The following PCDHA2 variants were observed in gnomAD, a reference collection of about 807,000 sequenced individuals.
PCDHA2 encodes protocadherin alpha 2.
In PCDHA2, 58 loss-of-function variants were observed where a neutral mutation model predicts 66.0. That is an observed-to-expected ratio of 0.88 (90% confidence interval 0.71 to 1.09). PCDHA2 has a LOEUF of 1.09. PCDHA2 is among the 50% of genes least tolerant of loss of function. PCDHA2 has a pLI of 0.00. For missense variants in PCDHA2, 1,267 were observed against 1,242.3 expected (o/e 1.02, Z -0.30); for synonymous variants, 634 against 554.0 (o/e 1.14, Z -2.03).
chr5:140,798,762 T>C (rs7705377), intron 1 of PCDHA2, among the ~76,000 whole-genome samples: 8,148 of 152,252 alleles, frequency 0.054, 709 homozygotes, highest in African/African-American at 0.19. Context: ...ATTATAACAC[T>C]GAACTCGACA....
chr5:140,960,519 G>C (rs188949970), intron 1 of PCDHA2, among the ~76,000 whole-genome samples: 19 of 152,198 alleles, frequency 1.2e-4, no homozygotes, highest in Admixed American at 1.2e-3. Context: ...AACATAATGG[G>C]TATAGGAAAG....
chr5:140,835,158 A>G, intron 1 of PCDHA2: 1 of 1,455,544 alleles, frequency 6.9e-7, no homozygotes, highest in Non-Finnish European at 9.3e-7. Context: ...TTCTATCGGA[A>G]CGCTGGTGAT....
At chr5:140,808,015 C>A in intron 1 of PCDHA2, 1 of 1,613,530 alleles carries the variant, frequency 6.2e-7, no homozygotes, top group Middle Eastern at 1.7e-4. Flanking sequence ...TGAATGGGGA[C>A]ATTGTTTATT....
intron 1 of PCDHA2, chr5:140,854,326 T>G (rs1243654252): frequency 4.3e-6 from 1 of 230,654 alleles, no homozygotes; most frequent in East Asian, 1.8e-4. Context: ...AATGGCAAAC[T>G]TATTTTACGC....
At chr5:140,829,504 C>T in intron 1 of PCDHA2, 1 of 1,613,582 alleles carries the variant, frequency 6.2e-7, no homozygotes, top group South Asian at 1.1e-5. Context: ...ACCCGCCGGG[C>T]TGCCACATCT....
chr5:140,802,011 G>A (rs952664867), intron 1 of PCDHA2: 4 of 1,614,198 alleles, frequency 2.5e-6, no homozygotes, highest in Non-Finnish European at 3.4e-6. Flanking sequence ...TTTGGATGAA[G>A]GAGTAAATAA....
rs1554169291 is a variant in PCDHA2 at position 140,877,075 on chromosome 5, G to A, written c.2388+79723G>A. On this transcript the variant is annotated intron_variant, in intron 1 of 3. Transcript: ENST00000526136. ...GGAGCTGGAGCTGCTGCAGTTCCAGGTGAGCGCGCGCGACGCCGGCGTGCC... is the reference window on the plus strand; with the variant it reads ...GGAGCTGGAGCTGCTGCAGTTCCAGATGAGCGCGCGCGACGCCGGCGTGCC... 6.2e-7 allele frequency: 1 copy of A among 1,612,986 alleles called. No individual in the cohort carries two copies. The highest frequency in any genetic ancestry group is 1.1e-5 in the South Asian group (1 of 91,036).
At chr5:140,961,743 A>G (rs1585893660) in intron 1 of PCDHA2, among the ~76,000 whole-genome samples, 1 of 152,170 alleles carries the variant, frequency 6.6e-6, no homozygotes, top group East Asian at 1.9e-4. Flanking sequence ...CTTTAGTAAT[A>G]TTACAGTTTT....
chr5:140,883,294 T>A (rs782475623), intron 1 of PCDHA2: 6 of 1,613,956 alleles, frequency 3.7e-6, no homozygotes, highest in Non-Finnish European at 4.2e-6. Context: ...AAGTACTAGA[T>A]GTAAATGATA....
intron 1 of PCDHA2, chr5:140,828,554 G>A: frequency 6.2e-7 from 1 of 1,614,212 alleles, no homozygotes; most frequent in South Asian, 1.1e-5. Flanking sequence ...GTTTCCACTG[G>A]AGGGCGCGTC....
chr5:140,848,969 C>G (rs2150427245), intron 1 of PCDHA2: 31 of 1,604,278 alleles, frequency 1.9e-5, no homozygotes, highest in Non-Finnish European at 2.6e-5. Context: ...AGGGCGCGTC[C>G]GATGCAGATA....
intron 3 of PCDHA2, among the ~76,000 whole-genome samples, chr5:140,996,953 TCCCTCAATC>T (rs1554255576): frequency 6.6e-6 from 1 of 152,202 alleles, no homozygotes; most frequent in Non-Finnish European, 1.5e-5. Flanking sequence ...AATATTTATT[TCCCTCAATC>T]CCACTCCCCT....
chr5:140,834,445 T>C (rs1773005004), intron 1 of PCDHA2: 2 of 1,613,974 alleles, frequency 1.2e-6, no homozygotes, highest in African/African-American at 1.3e-5. Context: ...ATTATAATTC[T>C]AGCAGCTTGG....
intron 1 of PCDHA2, chr5:140,968,079 C>T (rs782150880): frequency 5.0e-6 from 8 of 1,614,142 alleles, no homozygotes; most frequent in Admixed American, 3.3e-5. Flanking sequence ...TACAACATCA[C>T]GGTGACAGCC....
intron 3 of PCDHA2, among the ~76,000 whole-genome samples, chr5:140,992,037 G>A (rs2153898781): frequency 6.6e-6 from 1 of 152,006 alleles, no homozygotes; most frequent in East Asian, 1.9e-4. Context: ...GTGTGTGTGT[G>A]TGTGTGTGTG....
chr5:140,944,464 G>T (rs2093661298), intron 1 of PCDHA2, among the ~76,000 whole-genome samples: 1 of 152,158 alleles, frequency 6.6e-6, no homozygotes, highest in African/African-American at 2.4e-5. Context: ...TGGGATTACA[G>T]GTATGAGGCA....
At chr5:140,883,626 C>T (rs782798960) in intron 1 of PCDHA2, 3 of 1,613,850 alleles carry the variant, frequency 1.9e-6, no homozygotes, top group Non-Finnish European at 2.5e-6. Flanking sequence ...GACAACGCGC[C>T]GGCGTTCGCG....
At chr5:140,924,903 AAAT>A (rs782701584) in intron 1 of PCDHA2, among the ~76,000 whole-genome samples, 3,132 of 54,516 alleles carry the variant, frequency 0.057, 46 homozygotes, top group African/African-American at 0.096. Context: ...TCAAAAAAAA[AAAT>A]AAAATAAAAT....
rs1554131612 is a variant in PCDHA2, at chr5:140,828,869, A to G, written c.2388+31517A>G. The G allele has an allele frequency of 3.1e-6, 5 of 1,614,138 alleles. No homozygotes were observed. Among genetic ancestry groups the G allele is most frequent in the Admixed American group, 1.7e-5 (1 of 60,016 alleles). On this transcript the variant is annotated intron_variant, in intron 1 of 3. Coordinates refer to ENST00000526136, the MANE Select transcript of PCDHA2 (RefSeq NM_018905.3). ...ATTCGAAAATGCAGACAACGGAACA[A>G]CAGTTATCAGACTGAATGCTTCTGA...
Sources: allele counts gnomAD v4.1 joint callset (sites outside exome capture counted in the v4.1 genomes callset), GRCh38; gene constraint gnomAD v4.1.1; transcripts MANE v1.5; gene names NCBI Gene and HGNC (gene_info 2026-07-23, HGNC 2026-07-21).